TTN: variants seen among roughly 807,000 people sequenced by gnomAD.
TTN encodes connectin.
TTN carries 1,525 observed loss-of-function variants against 3,223.0 expected under a neutral mutation model. The ratio of observed to expected loss-of-function variants is 0.47; its 90% CI spans 0.45 to 0.49. The LOEUF (loss-of-function observed/expected upper bound fraction) is 0.49. Among genes scored for constraint, TTN ranks in the 20% least tolerant of loss-of-function variants. The probability of loss-of-function intolerance (pLI) is 0.00; values close to 1 mark genes in which losing one functional copy is unlikely to be tolerated. For synonymous variants in TTN, 14,094 were observed against 15,161.0 expected (o/e 0.93, Z 5.17); for missense variants, 40,786 against 43,424.0 (o/e 0.94, Z 5.40).
intron 115 of TTN, 129 bp from the exon 116 acceptor site, chr2:178,695,035 AT>A: frequency 1.4e-6 from 1 of 696,236 alleles, no homozygotes. Flanking sequence ...TACATGTATC[AT>A]TTTTTAAAGA....
At chr2:178,800,323 G>A in intron 4 of TTN, 72 bp downstream of exon 4, 1 of 1,591,190 alleles carries the variant, frequency 6.3e-7, no homozygotes, top group Non-Finnish European at 8.6e-7. Context: ...GGTGGCAAGT[G>A]GACGCTTGGC....
chr2:178,564,094 T>C lies in TTN; in HGVS notation c.82038A>G (p.Gln27346=), dbSNP rs1344653086. ...VKDCIRTDGG[Q]YILKLSNVGG... is the part of the protein sequence containing the mutation. ...CAACATTGCTGAGTTTCAGAATATA[T>C]TGTCCTCCATCAGTCCGTATACAGT... Residue 27346 remains glutamine, a synonymous_variant, in exon 326 of 363, where the codon CAA becomes CAG. Transcript: ENST00000589042. 1 of 1,613,772 alleles carries C rather than the reference T, an allele frequency of 6.2e-7. No individual in the cohort carries two copies. Among genetic ancestry groups the C allele is most frequent in the Non-Finnish European group, 8.5e-7 (1 of 1,179,744 alleles).
chr2:178,561,338 G>T lies in TTN; in HGVS notation c.84794C>A (p.Thr28265Lys), dbSNP rs376874908. The change falls in exon 326 of 363, where the codon ACA becomes AAA. Residue 28265 changes from threonine to lysine, a missense_variant. Transcript: ENST00000589042. ...PPGQPEVTNI[T>K]RKSVSLKWSK... ...CCATTTAAGTGACACTGATTTTCTT[G>T]TGATATTTGTGACTTCAGGTTGTCC... The T allele has an allele frequency of 6.2e-7, 1 of 1,613,758 alleles. No individual in the cohort carries two copies. The highest frequency in any genetic ancestry group is 8.5e-7 in the Non-Finnish European group (1 of 1,179,784).
Position 178,608,378 on chromosome 2 carries a change from A to C in TTN, c.52505T>G (p.Leu17502Trp), listed in dbSNP as rs368013299. 6.2e-7 allele frequency: 1 copy of C among 1,611,540 alleles called. No homozygotes were observed. Among genetic ancestry groups the C allele is most frequent in the African/African-American group, 1.3e-5 (1 of 74,848 alleles). ...NEPKDNGSPI[L>W]GYWLEKREVN... ...TTCACGTTTTTCAAGCCAGTAACCCAAAATGGGGCTTCCATTATCTTTTGG... is the reference window on the plus strand; with the variant it reads ...TTCACGTTTTTCAAGCCAGTAACCCCAAATGGGGCTTCCATTATCTTTTGG... Residue 17502 changes from leucine to tryptophan, a missense_variant, in exon 275 of 363, where the codon TTG (leucine) becomes TGG (tryptophan). Physicochemically the swap from Leu to Trp is moderately conservative, Grantham distance 61 (BLOSUM62 -2). Coordinates refer to ENST00000589042, the MANE Select transcript of TTN (RefSeq NM_001267550.2).
intron 44 of TTN, 50 bp from the exon 45 acceptor site, chr2:178,757,966 G>C (rs761857297): frequency 2.7e-6 from 4 of 1,494,472 alleles, no homozygotes; most frequent in African/African-American, 1.4e-5. Context: ...ACTGAAACCA[G>C]AACTCATTTG....
At chr2:178,701,289 G>T in intron 110 of TTN, 86 bp from the exon 111 acceptor site, 1 of 1,253,378 alleles carries the variant, frequency 8.0e-7, no homozygotes. Context: ...ATTTCTTTCA[G>T]TACTTCATAG....
At chr2:178,597,491 A>G in intron 294 of TTN, 47 bp downstream of exon 294, 1 of 1,562,904 alleles carries the variant, frequency 6.4e-7, no homozygotes, top group Admixed American at 1.9e-5. Context: ...TAAATATAAT[A>G]AGAATGTTGG....
Position 178,527,130 on chromosome 2 carries a change from A to C in TTN, c.107858T>G (p.Leu35953Arg), listed in dbSNP as rs794729572. Residue 35953 changes from leucine to arginine, a missense_variant, in exon 363 of 363, where the codon CTG becomes CGG. Physicochemically the swap from Leu to Arg is moderately radical, Grantham distance 102. Coordinates refer to ENST00000589042, the MANE Select transcript of TTN (RefSeq NM_001267550.2). The stretch of plus-strand genomic sequence containing the variant: ...TACGTCCATGATGATCAGGGTTGTC[A>C]GGTCATCTGTGTTTTCAATGTGGAA... ...GRFHIENTDDLTTLIIMDVQK... is the reference protein window; with the variant it reads ...GRFHIENTDDRTTLIIMDVQK... 1.9e-6 allele frequency: 3 copies of C among 1,613,864 alleles called. No homozygotes were observed. Among genetic ancestry groups the C allele is most frequent in the Non-Finnish European group, 2.5e-6 (3 of 1,179,890 alleles).
rs759767298 is a variant in TTN, at chr2:178,547,750, A to G, written c.93876T>C (p.Asn31292=). The change falls in exon 339 of 363, where the codon AAT becomes AAC. Residue 31292 remains asparagine (N), a synonymous_variant. Coordinates refer to ENST00000589042, the MANE Select transcript of TTN (RefSeq NM_001267550.2). ...DSGRYFLTLE[N]TAGVKTFSVT... ...CGCTAAATGTTTTAACACCAGCTGT[A>G]TTTTCCAGGGTCAAGAAGTATCTTC... The G allele has an allele frequency of 4.3e-6, 7 of 1,613,714 alleles. No homozygotes were observed. Among genetic ancestry groups the G allele is most frequent in the East Asian group, 2.2e-5 (1 of 44,862 alleles).
chr2:178,786,258 A>G, intron 13 of TTN, 117 bp from the exon 14 acceptor site: 5 of 1,083,176 alleles, frequency 4.6e-6, no homozygotes, highest in Non-Finnish European at 6.8e-6. Flanking sequence ...TAACGTGTCT[A>G]GAAATGTATC....
At position 178,592,760 on chromosome 2, in the gene TTN, G is replaced by C. The variant is rs1397236237; in HGVS notation, c.59344+15C>G. 6 of 1,612,926 alleles carry C rather than the reference G, an allele frequency of 3.7e-6. No homozygotes were observed. The Admixed American group carries it at 5.0e-5, about 13-fold the overall frequency. On this transcript the variant is annotated intron_variant, in intron 300 of 362. Transcript: ENST00000589042. ...CTATTTTCCTTGCAAACACAAGTGAGAGCATTTTACTCACCAAGCCTGTCT... is the reference window on the plus strand; with the variant it reads ...CTATTTTCCTTGCAAACACAAGTGACAGCATTTTACTCACCAAGCCTGTCT...
chr2:178,672,769 C>G, intron 152 of TTN, 66 bp from the exon 153 acceptor site: 1 of 1,314,134 alleles, frequency 7.6e-7, no homozygotes, highest in East Asian at 2.5e-5. Flanking sequence ...ATAAAAACAC[C>G]AGAGACAACG....
intron 245 of TTN, 49 bp from the exon 246 acceptor site, chr2:178,621,417 T>TA (rs2154211864): frequency 1.9e-6 from 3 of 1,606,828 alleles, no homozygotes; most frequent in Non-Finnish European, 2.5e-6. Flanking sequence ...CTTTGTACTT[T>TA]AAATCTAGCA....
Position 178,549,038 on chromosome 2 carries a change from G to A in TTN, c.92588C>T (p.Ala30863Val). 3 of 1,613,850 alleles carry A rather than the reference G, an allele frequency of 1.9e-6. No individual in the cohort carries two copies. The highest frequency in any genetic ancestry group is 1.1e-5 in the South Asian group (1 of 91,082). Residue 30863 changes from alanine to valine, a missense_variant, in exon 339 of 363, where the codon GCC becomes GTC. Physicochemically the swap from Ala to Val is moderately conservative, Grantham distance 64. Transcript: ENST00000589042. ...CACCTTGTGCCAGTCTCCTAAGTCGGCCTTACACATTTCAATAATATACCC... is the reference window on the plus strand; with the variant it reads ...CACCTTGTGCCAGTCTCCTAAGTCGACCTTACACATTTCAATAATATACCC... Reference protein sequence around the residue: ...IIGYIIEMCKADLGDWHKVNA... With the variant: ...IIGYIIEMCKVDLGDWHKVNA...
chr2:178,534,545 T>A lies in TTN; in HGVS notation c.102070A>T (p.Ile34024Phe). Residue 34024 changes from isoleucine to phenylalanine, a missense_variant, in exon 358 of 363, where the codon ATT becomes TTT. Ile to Phe is a conservative substitution (Grantham distance 21). Coordinates refer to ENST00000589042, the MANE Select transcript of TTN (RefSeq NM_001267550.2). ...PFLAETNQQIIENIMNAEYTF... is the reference protein window; with the variant it reads ...PFLAETNQQIFENIMNAEYTF... ...TATTCAGCATTCATGATATTCTCAA[T>A]GATCTGTTGGTTAGTTTCAGCCAGG... is the stretch of plus-strand genomic sequence containing the variant. 6.2e-7 allele frequency: 1 copy of A among 1,613,860 alleles called. No homozygotes were observed. Among genetic ancestry groups the A allele is most frequent in the South Asian group, 1.1e-5 (1 of 91,070 alleles).
rs369548127 is a variant in TTN at position 178,735,798 on chromosome 2, A to T, written c.14648T>A (p.Ile4883Asn). The T allele has an allele frequency of 6.2e-7, 1 of 1,613,746 alleles. No individual in the cohort carries two copies. The highest frequency in any genetic ancestry group is 8.5e-7 in the Non-Finnish European group (1 of 1,179,798). Reference sequence around the variant, plus strand: ...AATGAAATGTGGCTTATCAATGATGATCAACTCTGCTTGGCAGATGTCTGC... The same window carrying T: ...AATGAAATGTGGCTTATCAATGATGTTCAACTCTGCTTGGCAGATGTCTGC... ...FGADICQAEL[I>N]IIDKPHFIKE... The change falls in exon 50 of 363, where the codon ATC becomes AAC. Residue 4883 changes from isoleucine (I) to asparagine (N), a missense_variant. Physicochemically the swap from Ile to Asn is moderately radical, Grantham distance 149. Coordinates refer to ENST00000589042, the MANE Select transcript of TTN (RefSeq NM_001267550.2).
intron 33 of TTN, chr2:178,772,902 T>A (rs1561246210): frequency 1.6e-6 from 1 of 618,746 alleles, no homozygotes; most frequent in African/African-American, 1.8e-5. Context: ...GAAGGTTTAA[T>A]GGAGAAGGTG....
chr2:178,717,103 C>G lies in TTN; in HGVS notation c.25631G>C (p.Gly8544Ala), dbSNP rs2077603060. Residue 8544 changes from glycine to alanine, a missense_variant, in exon 88 of 363, where the codon GGT (glycine) becomes GCT (alanine). Physicochemically the swap from Gly to Ala is moderately conservative, Grantham distance 60. Coordinates refer to ENST00000589042, the MANE Select transcript of TTN (RefSeq NM_001267550.2). The stretch of plus-strand genomic sequence containing the variant: ...TTCACTCTAACAAGTACCTTGTACA[C>G]CCAGCTGAGCAGAACAAGAGTCTTT... ...AGKDSCSAQL[G>A]VQEPPRFIKK... 2 of 1,610,294 alleles carry G rather than the reference C, an allele frequency of 1.2e-6. No homozygotes were observed. Among genetic ancestry groups the G allele is most frequent in the Non-Finnish European group, 1.7e-6 (2 of 1,177,218 alleles).
chr2:178,663,644 T>C lies in TTN; in HGVS notation c.36515A>G (p.Glu12172Gly). ...ACAAATACCTTTAACAGGTGGGACT[T>C]CAGGCTCTTTAGGAGGAGCCACTGG... ...KAPVAPPKEPEVPPVKVPEAP... is the reference protein window; with the variant it reads ...KAPVAPPKEPGVPPVKVPEAP... Residue 12172 changes from glutamate (E) to glycine (G), a missense_variant, in exon 171 of 363, where the codon GAA becomes GGA. Physicochemically the swap from Glu to Gly is moderately conservative, Grantham distance 98. Coordinates refer to ENST00000589042, the MANE Select transcript of TTN (RefSeq NM_001267550.2). 2 of 1,613,776 alleles carry C rather than the reference T, an allele frequency of 1.2e-6. No individual in the cohort carries two copies. The highest frequency in any genetic ancestry group is 1.7e-6 in the Non-Finnish European group (2 of 1,179,766).
Sources: gnomAD v4.1 joint callset for allele counts on GRCh38, gnomAD v4.1.1 for gene constraint, MANE v1.5 for transcripts, NCBI Gene and HGNC (gene_info 2026-07-23, HGNC 2026-07-21) for gene names.